Variants in CIB4 observed in about 807,000 individuals in gnomAD.
The protein encoded by CIB4 is calcium and integrin binding family member 4.
A neutral mutation model predicts 25.8 loss-of-function variants in CIB4; 25 were observed. The ratio of observed to expected loss-of-function variants is 0.97; its 90% confidence interval spans 0.71 to 1.35. The LOEUF is 1.35. CIB4 is among the 40% of genes most tolerant of loss of function. The probability of loss-of-function intolerance (pLI) is 0.00; values close to 1 mark genes in which losing one functional copy is unlikely to be tolerated. For synonymous variants in CIB4, 75 were observed against 81.4 expected (o/e 0.92, Z 0.42); for missense variants, 235 against 228.2 (o/e 1.03, Z -0.19).
chr2:26,640,667 T>C, intron 1 of CIB4, 100 bp from the exon 2 acceptor site: 1 of 1,288,454 alleles, frequency 7.8e-7, no homozygotes, highest in Non-Finnish European at 1.1e-6. Context: ...AAATGCCCAT[T>C]CTTTTGCTGC....
intron 3 of CIB4, among the ~76,000 whole-genome samples, chr2:26,618,780 A>G (rs557323375): frequency 6.6e-6 from 1 of 152,258 alleles, no homozygotes; most frequent in East Asian, 1.9e-4. Context: ...CTCATGGAGG[A>G]AGAAGTTGTG....
intron 3 of CIB4, among the ~76,000 whole-genome samples, chr2:26,601,844 A>T (rs753308846): frequency 2.0e-5 from 3 of 152,242 alleles, no homozygotes; most frequent in African/African-American, 7.2e-5. Flanking sequence ...TAATGAAACA[A>T]CGTGGATGAT....
In CIB4 at chr2:26,591,640, T is replaced by C. The variant is rs116159750; in HGVS notation, c.328+3536A>G. 5.6e-3 allele frequency among the ~76,000 whole-genome samples: 848 copies of C among 152,300 alleles called. 8 individuals carry two copies. The highest frequency in any genetic ancestry group is 0.019 in the African/African-American group (805 of 41,568). ...GTATAATCCCCAACCCCCTTGAGTG[T>C]GGGTGGGAACTGTGACTTGCTTGTA... On this transcript the variant is annotated intron_variant, in intron 4 of 6. Coordinates refer to ENST00000288861, the MANE Select transcript of CIB4 (RefSeq NM_001029881.3).
chr2:26,615,111 G>A (rs554471428), intron 3 of CIB4, among the ~76,000 whole-genome samples: 17 of 152,314 alleles, frequency 1.1e-4, no homozygotes, highest in Admixed American at 9.8e-4. Flanking sequence ...GGGTGACTGA[G>A]GGAGGTCACT....
chr2:26,599,349 G>A (rs1050872376), intron 3 of CIB4, among the ~76,000 whole-genome samples: 6 of 152,020 alleles, frequency 3.9e-5, no homozygotes, highest in South Asian at 4.2e-4. Context: ...ACAGTTTATC[G>A]ACAATAAAAA....
At chr2:26,598,771 C>G (rs1335672359) in intron 3 of CIB4, among the ~76,000 whole-genome samples, 1 of 152,194 alleles carries the variant, frequency 6.6e-6, no homozygotes. Context: ...ATGAGCCCCC[C>G]TGAGACAGAG....
chr2:26,582,787 C>G (rs373792460), intron 6 of CIB4, 38 bp downstream of exon 6: 14 of 1,349,496 alleles, frequency 1.0e-5, no homozygotes, highest in South Asian at 2.4e-5. Flanking sequence ...GCCCCCACCA[C>G]TCTCCTGGAC....
intron 3 of CIB4, among the ~76,000 whole-genome samples, chr2:26,602,689 C>G (rs2148203831): frequency 6.6e-6 from 1 of 152,268 alleles, no homozygotes; most frequent in South Asian, 2.1e-4. Context: ...GAAATACCAT[C>G]CTCACCAAAT....
At chr2:26,601,101 G>A (rs920590038) in intron 3 of CIB4, among the ~76,000 whole-genome samples, 1 of 151,474 alleles carries the variant, frequency 6.6e-6, no homozygotes. Context: ...CACGCCTGTA[G>A]TTCCAGGTAC....
intron 2 of CIB4, 139 bp from the exon 3 acceptor site, chr2:26,629,645 T>G (rs1345396326): frequency 1.5e-6 from 1 of 646,868 alleles, no homozygotes; most frequent in African/African-American, 1.8e-5. Flanking sequence ...TGGGGTTGGC[T>G]GACACAGAAA....
At chr2:26,603,332 AG>A (rs1189143946) in intron 3 of CIB4, among the ~76,000 whole-genome samples, 5 of 152,210 alleles carry the variant, frequency 3.3e-5, no homozygotes, top group African/African-American at 9.6e-5. Context: ...AGCCGAGCAA[AG>A]TTTGTATTGC....
chr2:26,590,943 G>T (rs1325325403), intron 4 of CIB4, among the ~76,000 whole-genome samples: 1 of 152,226 alleles, frequency 6.6e-6, no homozygotes, highest in African/African-American at 2.4e-5. Flanking sequence ...GAGGCTCTCA[G>T]TCTGACCTCT....
chr2:26,610,070 G>C (rs778722870), intron 3 of CIB4, among the ~76,000 whole-genome samples: 1 of 152,262 alleles, frequency 6.6e-6, no homozygotes, highest in Non-Finnish European at 1.5e-5. Flanking sequence ...GTGCCTCCAC[G>C]ACCCTCCTGG....
intron 3 of CIB4, among the ~76,000 whole-genome samples, chr2:26,597,599 T>C (rs1173299830): frequency 6.6e-6 from 1 of 152,208 alleles, no homozygotes; most frequent in African/African-American, 2.4e-5. Flanking sequence ...ACTATATCCA[T>C]TAAAGGGAAA....
intron 2 of CIB4, among the ~76,000 whole-genome samples, chr2:26,639,955 G>A (rs997161483): frequency 2.0e-5 from 3 of 152,126 alleles, no homozygotes; most frequent in Admixed American, 6.5e-5. Context: ...ACAGCCCCAC[G>A]AGAAGGGTAT....
At chr2:26,614,613 A>C (rs1329364612) in intron 3 of CIB4, among the ~76,000 whole-genome samples, 1 of 152,178 alleles carries the variant, frequency 6.6e-6, no homozygotes, top group Non-Finnish European at 1.5e-5. Flanking sequence ...CTGCCACCTC[A>C]GGCAACCCCT....
rs760786187 is a variant in CIB4 at position 26,639,091 on chromosome 2, G to A, written c.89+1442C>T. On this transcript the variant is annotated intron_variant, in intron 2 of 6. Coordinates refer to ENST00000288861, the MANE Select transcript of CIB4 (RefSeq NM_001029881.3). ...ATTCTTCCAGAAGGCTAGATGGTAA[G>A]ACAAACCAACAGTGAGCAGAGGCGG... Among the ~76,000 whole-genome samples the A allele has an allele frequency of 6.1e-4, 93 of 152,160 alleles. 1 individual carries two copies. The highest frequency in any genetic ancestry group is 9.6e-4 in the Non-Finnish European group (65 of 67,998).
chr2:26,630,078 T>A (rs1267927516), intron 2 of CIB4, among the ~76,000 whole-genome samples: 5 of 152,140 alleles, frequency 3.3e-5, no homozygotes, highest in Non-Finnish European at 7.4e-5. Context: ...GACTGACTGG[T>A]CTTCCTAATC....
At chr2:26,618,357 C>T (rs1357621263) in intron 3 of CIB4, among the ~76,000 whole-genome samples, 1 of 152,212 alleles carries the variant, frequency 6.6e-6, no homozygotes, top group Non-Finnish European at 1.5e-5. Context: ...GCCATCATGG[C>T]TCACTGCAGC....
Sources: gnomAD v4.1 joint callset for allele counts (sites outside exome capture counted in the v4.1 genomes callset) on GRCh38, gnomAD v4.1.1 for gene constraint, MANE v1.5 for transcripts, NCBI Gene and HGNC (gene_info 2026-07-23, HGNC 2026-07-21) for gene names.